Variants in CCDC178 observed in about 807,000 individuals in gnomAD.
CCDC178 encodes the protein coiled-coil domain containing 178, also known as coiled-coil domain-containing protein 178.
Under a neutral mutation model 117.4 loss-of-function variants are expected in CCDC178, and 126 were observed. The ratio of observed to expected loss-of-function variants is 1.07; its 90% confidence interval spans 0.93 to 1.24. CCDC178 has a LOEUF of 1.24. Among genes scored for constraint, CCDC178 ranks in the 50% most tolerant of loss-of-function variants. CCDC178 has a pLI of 0.00. For missense variants in CCDC178, 1,030 were observed against 986.9 expected, an observed-to-expected ratio of 1.04 and a Z score of -0.59; for synonymous variants, 283 against 313.4, an observed-to-expected ratio of 0.90 and a Z score of 1.02.
intron 14 of CCDC178, among the ~76,000 whole-genome samples, chr18:33,254,859 G>T (rs543510743): frequency 2.0e-5 from 3 of 152,104 alleles, no homozygotes; most frequent in African/African-American, 7.2e-5. Flanking sequence ...CATAAGGATT[G>T]CTAGGGTTTG....
intron 2 of CCDC178, among the ~76,000 whole-genome samples, chr18:33,422,919 A>T (rs796987525): frequency 1.1e-4 from 16 of 152,324 alleles, no homozygotes; most frequent in African/African-American, 3.4e-4. Context: ...CCACATTTCA[A>T]GAGTATATGA....
At chr18:32,961,230 CT>C (rs1045627056) in intron 22 of CCDC178, among the ~76,000 whole-genome samples, 1 of 152,008 alleles carries the variant, frequency 6.6e-6, no homozygotes, top group African/African-American at 2.4e-5. Flanking sequence ...TATTTTATTT[CT>C]ACTTTAAGTT....
intron 15 of CCDC178, among the ~76,000 whole-genome samples, chr18:33,237,424 C>T (rs1359469313): frequency 6.6e-6 from 1 of 152,160 alleles, no homozygotes; most frequent in Non-Finnish European, 1.5e-5. Context: ...CTAGGCCAGC[C>T]AAGAAACCAT....
chr18:32,977,516 G>A (rs1036740909), intron 21 of CCDC178, among the ~76,000 whole-genome samples: 1 of 152,110 alleles, frequency 6.6e-6, no homozygotes, highest in African/African-American at 2.4e-5. Flanking sequence ...TTACTAGTTC[G>A]TTGTAATTTG....
At chr18:33,130,820 C>T (rs1470013259) in intron 20 of CCDC178, among the ~76,000 whole-genome samples, 3 of 151,912 alleles carry the variant, frequency 2.0e-5, no homozygotes, top group Admixed American at 2.0e-4. Flanking sequence ...TTTGTCTCCT[C>T]TTCAATACGT....
At chr18:33,329,863 G>A (rs143934703) in intron 10 of CCDC178, among the ~76,000 whole-genome samples, 190 of 129,622 alleles carry the variant, frequency 1.5e-3, no homozygotes, top group Non-Finnish European at 2.4e-3. Flanking sequence ...TTTGAGAGTT[G>A]GAGAATTATT....
chr18:33,242,709 T>G (rs1462175130), intron 15 of CCDC178, among the ~76,000 whole-genome samples: 1 of 151,822 alleles, frequency 6.6e-6, no homozygotes, highest in African/African-American at 2.4e-5. Flanking sequence ...CACAACTGTA[T>G]CATCAAACTC....
intron 21 of CCDC178, among the ~76,000 whole-genome samples, chr18:33,091,264 C>T (rs1359654413): frequency 1.4e-5 from 2 of 142,286 alleles, no homozygotes; most frequent in East Asian, 4.6e-4. Context: ...GGTTTGAGGA[C>T]ACTAAGATTT....
chr18:32,958,275 A>C, intron 22 of CCDC178: 1 of 447,162 alleles, frequency 2.2e-6, no homozygotes, highest in Non-Finnish European at 4.2e-6. Context: ...AGTTTGTGGC[A>C]AAAAATGCTC....
intron 6 of CCDC178, among the ~76,000 whole-genome samples, chr18:33,361,201 A>T (rs555714235): frequency 4.0e-5 from 6 of 151,862 alleles, no homozygotes; most frequent in African/African-American, 1.4e-4. Flanking sequence ...CAGACGGACA[A>T]CTAATTTTTG....
At chr18:33,333,071 A>AG (rs1473863697) in intron 10 of CCDC178, 103 bp downstream of exon 10, 1 of 583,494 alleles carries the variant, frequency 1.7e-6, no homozygotes, top group Non-Finnish European at 2.9e-6. Context: ...AATTTTAAGA[A>AG]AAAAAAAAAA....
chr18:33,416,533 T>C (rs116892704), intron 2 of CCDC178, among the ~76,000 whole-genome samples: 1,546 of 152,044 alleles, frequency 0.01, 18 homozygotes, highest in Non-Finnish European at 0.014. Context: ...TCCTAGTGGG[T>C]AGTGGTATCA....
At chr18:33,202,446 G>A (rs1189710092) in intron 20 of CCDC178, among the ~76,000 whole-genome samples, 3 of 137,130 alleles carry the variant, frequency 2.2e-5, no homozygotes, top group African/African-American at 5.4e-5. Context: ...TTAAAAACAG[G>A]TCATCTTTTA....
chr18:33,271,941 T>C (rs755180174), intron 12 of CCDC178, among the ~76,000 whole-genome samples: 1 of 151,568 alleles, frequency 6.6e-6, no homozygotes, highest in Non-Finnish European at 1.5e-5. Flanking sequence ...TTTCTAGCTC[T>C]AATTGCCTAC....
At chr18:33,353,770 G>T (rs2063011612) in intron 7 of CCDC178, among the ~76,000 whole-genome samples, 1 of 151,918 alleles carries the variant, frequency 6.6e-6, no homozygotes, top group African/African-American at 2.4e-5. Context: ...TTATAATTAT[G>T]AATTTTATCC....
At position 33,174,813 on chromosome 18, in the gene CCDC178, TTC is replaced by T; in HGVS notation, c.2238+37081_2238+37082del. ...ATAATAGGAGTAACCTTATCTCTCC[TTC>T]TTTTTTCTTTTCATTAACCAACAAT... On this transcript the variant is annotated intron_variant, in intron 20 of 22. Transcript: ENST00000383096. 2.0e-5 allele frequency among the ~76,000 whole-genome samples: 3 copies of T among 152,142 alleles called. No individual in the cohort carries two copies. The South Asian group carries it at 6.2e-4, about 32-fold the overall frequency.
rs187175447 is a variant in CCDC178, at chr18:33,438,966, T to G, written c.-23+996A>C. 1.1e-4 allele frequency among the ~76,000 whole-genome samples: 17 copies of G among 152,320 alleles called. No homozygotes were observed. In the East Asian group the frequency reaches 3.1e-3, roughly 28 times the overall value. On this transcript the variant is annotated intron_variant, in intron 2 of 22. Transcript: ENST00000383096. Reference sequence around the variant, plus strand: ...TTTCCTAGAGGGCTCCTGTTTTGTGTGTAATTGTTTTCCCACTCCATCCAC... The same window carrying G: ...TTTCCTAGAGGGCTCCTGTTTTGTGGGTAATTGTTTTCCCACTCCATCCAC...
chr18:33,149,754 T>C (rs1312874871), intron 20 of CCDC178, among the ~76,000 whole-genome samples: 1 of 152,170 alleles, frequency 6.6e-6, no homozygotes, highest in Non-Finnish European at 1.5e-5. Flanking sequence ...AATAATTGAC[T>C]AAACCAAGAA....
intron 2 of CCDC178, among the ~76,000 whole-genome samples, chr18:33,425,590 G>T (rs938926236): frequency 1.3e-5 from 2 of 152,152 alleles, no homozygotes; most frequent in African/African-American, 4.8e-5. Context: ...ATTATCTCTA[G>T]AGGATTTTAA....
Sources: gnomAD v4.1 joint callset for allele counts (sites outside exome capture counted in the v4.1 genomes callset) on GRCh38, gnomAD v4.1.1 for gene constraint, MANE v1.5 for transcripts, NCBI Gene and HGNC (gene_info 2026-07-23, HGNC 2026-07-21) for gene names.